WNT3: variants seen among roughly 807,000 people sequenced by gnomAD.
WNT3 encodes proto-oncogene Wnt-3.
WNT3 carries 7 observed loss-of-function variants against 34.2 expected under a neutral mutation model. The observed-to-expected ratio is 0.20, with a 90% CI of 0.12 to 0.38. WNT3 has a LOEUF of 0.38. Ranked by LOEUF, WNT3 falls within the 10% of genes least tolerant of loss-of-function variation. The pLI is 1.00. For missense variants in WNT3, 267 were observed against 499.8 expected, an observed-to-expected ratio of 0.53 and a Z score of 4.44; for synonymous variants, 212 against 211.5, an observed-to-expected ratio of 1.00 and a Z score of -0.02.
chr17:46,788,878 G>A (rs1289771043), intron 1 of WNT3, among the ~76,000 whole-genome samples: 1 of 152,192 alleles, frequency 6.6e-6, no homozygotes, highest in Non-Finnish European at 1.5e-5. Flanking sequence ...GATGGCCATG[G>A]CCCTGCTGGC....
chr17:46,796,166 G>T (rs1001595613), intron 1 of WNT3, among the ~76,000 whole-genome samples: 9 of 152,198 alleles, frequency 5.9e-5, no homozygotes, highest in African/African-American at 1.4e-4. Context: ...TCCTTGGGAG[G>T]ACTCAACTTC....
Position 46,773,714 on chromosome 17 carries a change from G to A in WNT3, c.276C>T (p.Thr92=), listed in dbSNP as rs748573337. The A allele has an allele frequency of 6.2e-7, 1 of 1,612,676 alleles. No individual in the cohort carries two copies. Among genetic ancestry groups the A allele is most frequent in the South Asian group, 1.1e-5 (1 of 91,054 alleles). The change falls in exon 2 of 5, where the codon ACC becomes ACT. Residue 92 remains threonine, a synonymous_variant. Coordinates refer to ENST00000225512, the MANE Select transcript of WNT3 (RefSeq NM_030753.5). ...HQFRGRRWNC[T]TIDDSLAIFG... is the part of the protein sequence containing the mutation. The stretch of plus-strand genomic sequence containing the variant: ...AGATGGCCAGGCTGTCATCTATGGT[G>A]GTGCAGTTCCAGCGGCGGCCCCGGA...
intron 1 of WNT3, among the ~76,000 whole-genome samples, chr17:46,815,065 G>C (rs1341130009): frequency 6.6e-6 from 1 of 152,150 alleles, no homozygotes; most frequent in African/African-American, 2.4e-5. Flanking sequence ...TCACACAGCG[G>C]CAGGGTGAGC....
intron 1 of WNT3, among the ~76,000 whole-genome samples, chr17:46,806,867 G>T (rs2084204438): frequency 6.6e-6 from 1 of 152,256 alleles, no homozygotes; most frequent in Non-Finnish European, 1.5e-5. Context: ...GCAGAGTGGG[G>T]CTTGGCCCTC....
At position 46,798,512 on chromosome 17, in the gene WNT3, C is replaced by T. The variant is rs139273019; in HGVS notation, c.80+20006G>A. On this transcript the variant is annotated intron_variant, in intron 1 of 4. Coordinates refer to ENST00000225512, the MANE Select transcript of WNT3 (RefSeq NM_030753.5). ...TCTGCTTAGGCTTGTGCCAGCCATA[C>T]CATTGGCACATCAGCTCTTCTTCAC... Among the ~76,000 whole-genome samples the T allele has an allele frequency of 1.7e-3, 265 of 152,332 alleles. 1 individual carries two copies. The highest frequency in any genetic ancestry group is 6.8e-3 in the Middle Eastern group (2 of 294).
intron 1 of WNT3, among the ~76,000 whole-genome samples, chr17:46,787,057 C>A (rs1364008060): frequency 6.6e-6 from 1 of 152,014 alleles, no homozygotes; most frequent in African/African-American, 2.4e-5. Context: ...TCCACCTCAG[C>A]CTCCTGAGTA....
At chr17:46,804,191 G>A (rs369106184) in intron 1 of WNT3, among the ~76,000 whole-genome samples, 2 of 152,014 alleles carry the variant, frequency 1.3e-5, no homozygotes, top group Admixed American at 6.6e-5. Context: ...GGGTTCAAGC[G>A]ATTCTCCTGC....
intron 3 of WNT3, among the ~76,000 whole-genome samples, chr17:46,769,077 G>T (rs2059339679): frequency 6.6e-6 from 1 of 152,216 alleles, no homozygotes; most frequent in African/African-American, 2.4e-5. Flanking sequence ...AGCACCTTGG[G>T]AGGCTGAGGC....
intron 1 of WNT3, among the ~76,000 whole-genome samples, chr17:46,815,248 G>C (rs1237955472): frequency 1.3e-5 from 2 of 152,070 alleles, no homozygotes; most frequent in Admixed American, 1.3e-4. Flanking sequence ...GGGAATTCGA[G>C]AAATCAGTGC....
At chr17:46,782,105 C>G (rs1338890795) in intron 1 of WNT3, among the ~76,000 whole-genome samples, 1 of 152,240 alleles carries the variant, frequency 6.6e-6, no homozygotes, top group Non-Finnish European at 1.5e-5. Flanking sequence ...TCCCTTCGGT[C>G]TCAGGGTGCT....
intron 1 of WNT3, among the ~76,000 whole-genome samples, chr17:46,792,025 G>A (rs2083994235): frequency 6.6e-6 from 1 of 152,228 alleles, no homozygotes; most frequent in African/African-American, 2.4e-5. Flanking sequence ...GGGCAACAGA[G>A]TGAGATCCTG....
At chr17:46,818,235 G>A (rs2084378498) in intron 1 of WNT3, among the ~76,000 whole-genome samples, 1 of 152,098 alleles carries the variant, frequency 6.6e-6, no homozygotes, top group South Asian at 2.1e-4. Context: ...GATTGGGACG[G>A]GCAGAGGGTT....
intron 1 of WNT3, among the ~76,000 whole-genome samples, chr17:46,789,774 G>C (rs752747694): frequency 4.6e-5 from 7 of 152,222 alleles, no homozygotes; most frequent in Non-Finnish European, 1.0e-4. Flanking sequence ...ACCTCCAGCT[G>C]GGCCTGGCCC....
rs2059293391 is a variant in WNT3, at chr17:46,764,150, T to G, written c.*480A>C. On this transcript the variant is annotated 3_prime_UTR_variant, in exon 5 of 5. Coordinates refer to ENST00000225512, the MANE Select transcript of WNT3 (RefSeq NM_030753.5). The stretch of plus-strand genomic sequence containing the variant: ...TGGGAGTGGACCAAGAAAAGGAGAC[T>G]GCAGGGGTGTGTCCTACTTCCTGAC... 1 of 152,310 alleles carries G rather than the reference T, an allele frequency of 6.6e-6. No individual in the cohort carries two copies. Among genetic ancestry groups the G allele is most frequent in the Non-Finnish European group, 1.5e-5 (1 of 68,038 alleles). The allele number at this position is 152,310 out of a possible 1,614,324, so 9.4% of individuals were successfully genotyped here. A position where few individuals can be genotyped will look rare whatever the true frequency, so the allele number is the denominator to read the frequency against.
intron 1 of WNT3, among the ~76,000 whole-genome samples, chr17:46,801,001 A>T (rs1334368577): frequency 6.6e-6 from 1 of 152,198 alleles, no homozygotes; most frequent in East Asian, 1.9e-4. Context: ...GTAACATGAA[A>T]TTAATGTCAG....
chr17:46,779,053 T>TCACACACACACACACACACACACACACA lies in WNT3; in HGVS notation c.81-5172_81-5145dup, dbSNP rs56965619. 3.7e-4 allele frequency among the ~76,000 whole-genome samples: 37 copies of TCACACACACACACACACACACACACACA among 100,662 alleles called. 1 individual carries two copies. Among genetic ancestry groups the TCACACACACACACACACACACACACACA allele is most frequent in the Admixed American group, 8.3e-4 (7 of 8,394 alleles). The allele number at this position is 100,662 out of a possible 152,430, so 66.0% of individuals were successfully genotyped here. ...CAGTTATTCCCCGGTCCCTACCCCA[T>TCACACACACACACACACACACACACACA]CACACACACACACACACACACACAC... On this transcript the variant is annotated intron_variant, in intron 1 of 4. Coordinates refer to ENST00000225512, the MANE Select transcript of WNT3 (RefSeq NM_030753.5).
chr17:46,816,324 C>T (rs922193158), intron 1 of WNT3, among the ~76,000 whole-genome samples: 3 of 152,140 alleles, frequency 2.0e-5, no homozygotes, highest in Non-Finnish European at 2.9e-5. Context: ...TGCAGACACA[C>T]ACAGCACAAC....
intron 1 of WNT3, among the ~76,000 whole-genome samples, chr17:46,790,184 C>T (rs1055674073): frequency 6.6e-6 from 1 of 152,192 alleles, no homozygotes; most frequent in Non-Finnish European, 1.5e-5. Context: ...TCCGCAGGCT[C>T]CTTGCTTTAG....
chr17:46,787,688 T>G (rs2059520876), intron 1 of WNT3, among the ~76,000 whole-genome samples: 1 of 152,166 alleles, frequency 6.6e-6, no homozygotes, highest in South Asian at 2.1e-4. Context: ...GCGCGGTGGC[T>G]CACGCCTGTA....
Sources: gnomAD v4.1 joint callset for allele counts (sites outside exome capture counted in the v4.1 genomes callset) on GRCh38, gnomAD v4.1.1 for gene constraint, MANE v1.5 for transcripts, NCBI Gene and HGNC (gene_info 2026-07-23, HGNC 2026-07-21) for gene names.